Variants in TRDN observed in about 807,000 individuals in gnomAD.
The protein encoded by TRDN is triadin in skeletal muscle.
A neutral mutation model predicts 149.7 loss-of-function variants in TRDN; 161 were observed. The ratio of observed to expected loss-of-function variants is 1.08; its 90% confidence interval spans 0.95 to 1.23. TRDN has a LOEUF of 1.23. Ranked by LOEUF, TRDN falls within the 50% of genes most tolerant of loss-of-function variation. TRDN has a pLI of 0.00. For missense variants in TRDN, 896 were observed against 823.5 expected, an observed-to-expected ratio of 1.09 and a Z score of -1.08; for synonymous variants, 294 against 250.5, an observed-to-expected ratio of 1.17 and a Z score of -1.64.
intron 21 of TRDN, among the ~76,000 whole-genome samples, chr6:123,341,154 C>T (rs1021543601): frequency 2.0e-5 from 3 of 151,752 alleles, no homozygotes; most frequent in African/African-American, 7.2e-5. Context: ...ATTGTGTTTA[C>T]AATTATCATG....
At chr6:123,224,495 C>G (rs9388192) in intron 38 of TRDN, among the ~76,000 whole-genome samples, 2 of 151,612 alleles carry the variant, frequency 1.3e-5, no homozygotes, top group Non-Finnish European at 3.0e-5. Flanking sequence ...AATGGTTTCA[C>G]GCATACAGCC....
intron 1 of TRDN, among the ~76,000 whole-genome samples, chr6:123,624,246 G>A (rs542875400): frequency 6.6e-6 from 1 of 152,100 alleles, no homozygotes; most frequent in South Asian, 2.1e-4. Flanking sequence ...ATGTCTCAAA[G>A]CACCTGGGTA....
chr6:123,375,563 C>T (rs982348186), intron 19 of TRDN, 42 bp downstream of exon 19: 15 of 1,503,592 alleles, frequency 1.0e-5, no homozygotes, highest in Non-Finnish European at 1.3e-5. Flanking sequence ...AATGAGTAAG[C>T]TGCCCAAATA....
intron 12 of TRDN, among the ~76,000 whole-genome samples, chr6:123,420,027 T>G (rs1219859593): frequency 2.3e-4 from 35 of 152,152 alleles, no homozygotes; most frequent in Admixed American, 2.3e-3. Flanking sequence ...AAGTGAATAT[T>G]GACACAAATG....
intron 12 of TRDN, among the ~76,000 whole-genome samples, chr6:123,408,460 C>A (rs144653936): frequency 1.7e-3 from 260 of 152,100 alleles, no homozygotes; most frequent in African/African-American, 5.9e-3. Flanking sequence ...GGTGGATCAC[C>A]TGAGGTCAGG....
chr6:123,547,790 G>T (rs1268471164), intron 3 of TRDN, among the ~76,000 whole-genome samples: 2 of 151,956 alleles, frequency 1.3e-5, no homozygotes, highest in African/African-American at 4.8e-5. Flanking sequence ...CCTAAAAAGT[G>T]TTATCTAATA....
At chr6:123,518,525 C>A (rs1455010694) in intron 5 of TRDN, among the ~76,000 whole-genome samples, 8 of 152,132 alleles carry the variant, frequency 5.3e-5, no homozygotes, top group Non-Finnish European at 8.8e-5. Context: ...TGAGGACTCA[C>A]CCACCTTGGA....
At chr6:123,621,118 T>A (rs1434816563) in intron 1 of TRDN, among the ~76,000 whole-genome samples, 1 of 152,128 alleles carries the variant, frequency 6.6e-6, no homozygotes, top group Non-Finnish European at 1.5e-5. Context: ...GTTGAATGCC[T>A]CACTCTACAT....
intron 1 of TRDN, among the ~76,000 whole-genome samples, chr6:123,607,562 G>A (rs182757771): frequency 1.4e-3 from 206 of 152,230 alleles, no homozygotes; most frequent in African/African-American, 4.7e-3. Flanking sequence ...TAGTCTCTCC[G>A]CACATGGCTT....
At chr6:123,582,196 C>G (rs1321868) in intron 1 of TRDN, among the ~76,000 whole-genome samples, 137,112 of 152,232 alleles carry the variant, frequency 0.9, 61,912 homozygotes, top group East Asian at 1. Flanking sequence ...TCCACTCGAA[C>G]TGAGGGGCAG....
At chr6:123,516,245 A>G in intron 5 of TRDN, 39 bp from the exon 6 acceptor site, 1 of 1,441,154 alleles carries the variant, frequency 6.9e-7, no homozygotes, top group Non-Finnish European at 9.2e-7. Context: ...TTTAAATAAC[A>G]GGAATAAATG....
chr6:123,436,617 C>T (rs1774575545), intron 12 of TRDN, among the ~76,000 whole-genome samples: 1 of 151,930 alleles, frequency 6.6e-6, no homozygotes, highest in Non-Finnish European at 1.5e-5. Context: ...TCATTTTTTC[C>T]ACATACATTA....
intron 1 of TRDN, among the ~76,000 whole-genome samples, chr6:123,595,531 AC>A (rs1328086356): frequency 6.6e-6 from 1 of 152,136 alleles, no homozygotes; most frequent in African/African-American, 2.4e-5. Flanking sequence ...ATTGTGCTTC[AC>A]TTTATCACAT....
rs200096813 is a variant in TRDN at position 123,576,960 on chromosome 6, TTAAAA to T, written c.23-5833_23-5829del. Among the ~76,000 whole-genome samples the T allele has an allele frequency of 4.2e-3, 630 of 151,676 alleles. 7 individuals carry two copies. The highest frequency in any genetic ancestry group is 0.015 in the African/African-American group (612 of 41,346). ...CTCACCTGCACATGTACTGCCAAAC[TTAAAA>T]TAAAATAAAAAAAAAAGAAAATGCC... On this transcript the variant is annotated intron_variant, in intron 1 of 40. Transcript: ENST00000334268.
At chr6:123,351,827 G>T in intron 21 of TRDN, 1 of 958,392 alleles carries the variant, frequency 1.0e-6, no homozygotes, top group Non-Finnish European at 1.2e-6. Flanking sequence ...TAAGAGCAAT[G>T]ACATGAGGGA....
chr6:123,566,783 T>G lies in TRDN; in HGVS notation c.232+4140A>C, dbSNP rs918251689. ...AAAATTAACATTAAATATGTGAGTA[T>G]AATTTACATTTTGAAACTGTTATTG... is the stretch of plus-strand genomic sequence containing the variant. On this transcript the variant is annotated intron_variant, in intron 2 of 40. Coordinates refer to ENST00000334268, the MANE Select transcript of TRDN (RefSeq NM_006073.4). Among the ~76,000 whole-genome samples the G allele has an allele frequency of 3.3e-5, 5 of 152,368 alleles. No individual in the cohort carries two copies. In the South Asian group the frequency reaches 8.3e-4, roughly 25 times the overall value.
At chr6:123,499,213 C>A (rs1289792634) in intron 8 of TRDN, among the ~76,000 whole-genome samples, 5 of 152,170 alleles carry the variant, frequency 3.3e-5, no homozygotes, top group Admixed American at 1.3e-4. Context: ...AATATAACAT[C>A]CCCTCCAAAT....
intron 20 of TRDN, among the ~76,000 whole-genome samples, chr6:123,353,319 G>GA (rs1395775287): frequency 6.6e-6 from 1 of 151,692 alleles, no homozygotes; most frequent in Non-Finnish European, 1.5e-5. Context: ...ACTGAAAGAA[G>GA]AAAAAATACA....
intron 24 of TRDN, among the ~76,000 whole-genome samples, chr6:123,300,218 A>T (rs1038810057): frequency 8.6e-5 from 13 of 151,970 alleles, no homozygotes; most frequent in African/African-American, 3.1e-4. Context: ...ATTTTCAGTA[A>T]TTTATTTTTT....
Sources: allele counts gnomAD v4.1 joint callset (sites outside exome capture counted in the v4.1 genomes callset), GRCh38; gene constraint gnomAD v4.1.1; transcripts MANE v1.5; gene names NCBI Gene and HGNC (gene_info 2026-07-23, HGNC 2026-07-21).